Variants in EPN2 observed in about 807,000 individuals in gnomAD.
EPN2 encodes the protein epsin 2, also known as epsin-2.
A neutral mutation model predicts 61.7 loss-of-function variants in EPN2; 34 were observed. The observed-to-expected ratio is 0.55, with a 90% CI of 0.42 to 0.73. EPN2 has a LOEUF of 0.73. Among genes scored for constraint, EPN2 ranks in the 30% least tolerant of loss-of-function variants. EPN2 has a pLI of 0.00. For missense variants in EPN2, 714 were observed against 839.2 expected (o/e 0.85, Z 1.84); for synonymous variants, 349 against 353.6 (o/e 0.99, Z 0.15).
chr17:19,248,967 A>T (rs1386278496), intron 1 of EPN2, among the ~76,000 whole-genome samples: 1 of 152,192 alleles, frequency 6.6e-6, no homozygotes, highest in East Asian at 1.9e-4. Context: ...TCCCTGGCCG[A>T]GGGAGCTGCA....
chr17:19,307,564 C>T (rs910668087), intron 4 of EPN2, among the ~76,000 whole-genome samples: 2 of 152,182 alleles, frequency 1.3e-5, no homozygotes, highest in Admixed American at 6.5e-5. Flanking sequence ...AGAATGGTCT[C>T]GATCTCCTGA....
At chr17:19,275,940 C>G (rs2045301218) in intron 1 of EPN2, among the ~76,000 whole-genome samples, 1 of 152,124 alleles carries the variant, frequency 6.6e-6, no homozygotes, top group South Asian at 2.1e-4. Context: ...GGTGCTACTT[C>G]CCCAGGCCAC....
chr17:19,257,760 C>T (rs1204004608), intron 1 of EPN2, among the ~76,000 whole-genome samples: 1 of 152,110 alleles, frequency 6.6e-6, no homozygotes, highest in Non-Finnish European at 1.5e-5. Context: ...TCAGGTGATC[C>T]ACCCGCCTTG....
chr17:19,260,625 C>CT (rs1046972270), intron 1 of EPN2, among the ~76,000 whole-genome samples: 186 of 142,388 alleles, frequency 1.3e-3, no homozygotes, highest in Middle Eastern at 3.6e-3. Flanking sequence ...GAGAATGGAA[C>CT]TTTTTTTTTT....
At chr17:19,257,083 A>G (rs1414031805) in intron 1 of EPN2, among the ~76,000 whole-genome samples, 1 of 152,248 alleles carries the variant, frequency 6.6e-6, no homozygotes, top group Non-Finnish European at 1.5e-5. Context: ...CTGACTGCAA[A>G]GTGTTGGGTA....
chr17:19,313,590 C>T (rs1374979126), intron 7 of EPN2: 7 of 333,356 alleles, frequency 2.1e-5, no homozygotes, highest in Admixed American at 1.8e-4. Context: ...GCAGCCTCAG[C>T]GTTACACCCA....
chr17:19,300,970 G>A (rs1030854560), intron 4 of EPN2, among the ~76,000 whole-genome samples: 4 of 152,176 alleles, frequency 2.6e-5, no homozygotes, highest in African/African-American at 9.7e-5. Flanking sequence ...GTGAGAAGGT[G>A]GCCTTAGAGC....
intron 6 of EPN2, among the ~76,000 whole-genome samples, chr17:19,312,539 G>A (rs1267381357): frequency 2.6e-5 from 4 of 152,182 alleles, no homozygotes; most frequent in Non-Finnish European, 5.9e-5. Flanking sequence ...ATGTAGAGAT[G>A]ACCAGGACAT....
At chr17:19,317,594 C>G (rs897284345) in intron 7 of EPN2, among the ~76,000 whole-genome samples, 36 of 152,174 alleles carry the variant, frequency 2.4e-4, no homozygotes. Context: ...GGGAGGCGAC[C>G]GGGACACAGG....
At chr17:19,244,777 C>T (rs1044694953) in intron 1 of EPN2, among the ~76,000 whole-genome samples, 1 of 151,996 alleles carries the variant, frequency 6.6e-6, no homozygotes, top group African/African-American at 2.4e-5. Context: ...TCATGGTGGT[C>T]CTGCAAGCCC....
At chr17:19,274,038 T>G (rs1296850019) in intron 1 of EPN2, 1 of 152,234 alleles carries the variant, frequency 6.6e-6, no homozygotes, top group Non-Finnish European at 1.5e-5. Flanking sequence ...CGTTGTACCC[T>G]TTTCTCCGGT....
At chr17:19,259,330 T>A (rs2045114872) in intron 1 of EPN2, among the ~76,000 whole-genome samples, 1 of 147,728 alleles carries the variant, frequency 6.8e-6, no homozygotes, top group South Asian at 2.2e-4. Flanking sequence ...TTTTTTTTTT[T>A]GAGATGGAGT....
chr17:19,275,941 C>T (rs1370742514), intron 1 of EPN2, among the ~76,000 whole-genome samples: 2 of 152,160 alleles, frequency 1.3e-5, no homozygotes. Context: ...GTGCTACTTC[C>T]CCAGGCCACC....
chr17:19,321,672 A>G (rs1172032505), intron 7 of EPN2, among the ~76,000 whole-genome samples: 1 of 151,844 alleles, frequency 6.6e-6, no homozygotes, highest in Non-Finnish European at 1.5e-5. Flanking sequence ...AGGGGAGATG[A>G]TGCATGGTCA....
intron 1 of EPN2, among the ~76,000 whole-genome samples, chr17:19,267,886 A>G (rs1252202847): frequency 6.6e-6 from 1 of 152,224 alleles, no homozygotes; most frequent in African/African-American, 2.4e-5. Context: ...TTCCCGGGAC[A>G]GTGCTTGCAC....
intron 1 of EPN2, among the ~76,000 whole-genome samples, chr17:19,272,148 C>T (rs962890495): frequency 1.2e-4 from 18 of 152,180 alleles, no homozygotes; most frequent in East Asian, 1.9e-4. Flanking sequence ...CAAAGGCTCC[C>T]GTTCACTGCA....
intron 1 of EPN2, chr17:19,271,691 GGAAA>G (rs2045255695): frequency 6.6e-6 from 1 of 152,256 alleles, no homozygotes; most frequent in African/African-American, 2.4e-5. Context: ...AAGCTACTAT[GGAAA>G]GAGTTAGATG....
At chr17:19,253,894 G>A (rs985123473) in intron 1 of EPN2, among the ~76,000 whole-genome samples, 2 of 152,118 alleles carry the variant, frequency 1.3e-5, no homozygotes, top group Non-Finnish European at 2.9e-5. Flanking sequence ...CAGCACTTTG[G>A]GAGACTGAGG....
chr17:19,269,511 G>A (rs1183099429), intron 1 of EPN2, among the ~76,000 whole-genome samples: 4 of 152,212 alleles, frequency 2.6e-5, no homozygotes, highest in Admixed American at 2.0e-4. Flanking sequence ...TCTTGAGGAT[G>A]TGAGTTCTGA....
Sources: gnomAD v4.1 joint callset for allele counts (sites outside exome capture counted in the v4.1 genomes callset) on GRCh38, gnomAD v4.1.1 for gene constraint, MANE v1.5 for transcripts, NCBI Gene and HGNC (gene_info 2026-07-23, HGNC 2026-07-21) for gene names.